The following LOC102723971 variants were observed in gnomAD, a reference collection of about 807,000 sequenced individuals.
chr9:135,619,054 C>A, the LOC102723971 span: 2 of 400,610 alleles, frequency 5.0e-6, no homozygotes, highest in Admixed American at 8.8e-5. Flanking sequence ...GTGGCCTGGA[C>A]TGTCCCCAGG....
chr9:135,617,950 G>A, the LOC102723971 span: 3 of 398,598 alleles, frequency 7.5e-6, no homozygotes, highest in African/African-American at 4.1e-5. Context: ...TGATTCCAGC[G>A]AGAAGAATGC....
At chr9:135,617,070 C>T in the LOC102723971 span, 6 of 398,442 alleles carry the variant, frequency 1.5e-5, no homozygotes, top group Non-Finnish European at 2.2e-5. Flanking sequence ...AGACCCCAGA[C>T]ATGAGGGCGG....
chr9:135,618,879 A>G, the LOC102723971 span: 2 of 398,622 alleles, frequency 5.0e-6, no homozygotes, highest in Non-Finnish European at 4.4e-6. Context: ...ATTGATTTCA[A>G]AATGAATGAG....
the LOC102723971 span, chr9:135,614,343 C>A: frequency 7.5e-6 from 3 of 398,546 alleles, no homozygotes; most frequent in South Asian, 1.3e-4. Context: ...GGCTTCAATG[C>A]GCAGAAGGTA....
At chr9:135,619,139 G>C in the LOC102723971 span, among the ~76,000 whole-genome samples, 1 of 152,048 alleles carries the variant, frequency 6.6e-6, no homozygotes, top group East Asian at 1.9e-4. Flanking sequence ...CCTCTCTCCT[G>C]GTCCCCTCCC....
At chr9:135,614,671 A>C in the LOC102723971 span, among the ~76,000 whole-genome samples, 1 of 152,134 alleles carries the variant, frequency 6.6e-6, no homozygotes, top group Non-Finnish European at 1.5e-5. Context: ...GCGCCCAGAC[A>C]CTGGGCCCAG....
the LOC102723971 span, among the ~76,000 whole-genome samples, chr9:135,617,426 G>A: frequency 6.6e-6 from 1 of 152,212 alleles, no homozygotes; most frequent in Admixed American, 6.5e-5. Flanking sequence ...GGGCACAGGG[G>A]ACTGAGTGGG....
the LOC102723971 span, among the ~76,000 whole-genome samples, chr9:135,619,832 A>G: frequency 1.1e-4 from 16 of 149,024 alleles, no homozygotes; most frequent in South Asian, 6.5e-4. Flanking sequence ...TGCCCCGAAA[A>G]CGCCTCCAGT....
At chr9:135,615,424 C>T in the LOC102723971 span, 11 of 398,740 alleles carry the variant, frequency 2.8e-5, no homozygotes, top group African/African-American at 6.2e-5. Flanking sequence ...TCTCCCCGGC[C>T]GACCCCCTGA....
the LOC102723971 span, among the ~76,000 whole-genome samples, chr9:135,615,955 C>T: frequency 4.6e-5 from 7 of 152,216 alleles, no homozygotes; most frequent in Admixed American, 1.3e-4. Context: ...GCAGTGACAC[C>T]GACAACAAGC....
chr9:135,614,657 C>G, the LOC102723971 span, among the ~76,000 whole-genome samples: 2 of 152,176 alleles, frequency 1.3e-5, no homozygotes, highest in Non-Finnish European at 2.9e-5. Context: ...GCCGGAGAAA[C>G]AGAGCGCCCA....
the LOC102723971 span, among the ~76,000 whole-genome samples, chr9:135,617,237 A>T: frequency 6.6e-6 from 1 of 152,192 alleles, no homozygotes; most frequent in Non-Finnish European, 1.5e-5. Context: ...GTCCCCATGC[A>T]GGACGTGCAC....
At chr9:135,616,214 C>T in the LOC102723971 span, among the ~76,000 whole-genome samples, 1 of 152,152 alleles carries the variant, frequency 6.6e-6, no homozygotes. Context: ...CAAGTGGGGA[C>T]AGGCAGGACA....
chr9:135,614,256 GC>G, the LOC102723971 span: 1 of 398,572 alleles, frequency 2.5e-6, no homozygotes, highest in South Asian at 1.3e-4. Flanking sequence ...CTGGAGAAAG[GC>G]CCGCTCCTGC....
the LOC102723971 span, among the ~76,000 whole-genome samples, chr9:135,619,251 C>T: frequency 1.3e-5 from 2 of 152,316 alleles, no homozygotes; most frequent in East Asian, 3.9e-4. Flanking sequence ...GGCCTGTGGG[C>T]CTGGAGCACA....
At chr9:135,615,327 G>C in the LOC102723971 span, 2 of 398,288 alleles carry the variant, frequency 5.0e-6, no homozygotes, top group Non-Finnish European at 8.9e-6. Context: ...CCGGGCGCTA[G>C]CTGGCCTCCT....
At chr9:135,619,787 C>T in the LOC102723971 span, among the ~76,000 whole-genome samples, 4 of 152,056 alleles carry the variant, frequency 2.6e-5, no homozygotes, top group East Asian at 3.9e-4. Context: ...CAATACTTGT[C>T]GTCTGGAACT....
the LOC102723971 span, chr9:135,618,938 T>C: frequency 3.8e-5 from 15 of 399,392 alleles, no homozygotes; most frequent in Middle Eastern, 6.2e-4. Flanking sequence ...CACAGGCCCA[T>C]GTCCCCCACC....
chr9:135,615,773 A>C, the LOC102723971 span, among the ~76,000 whole-genome samples: 1 of 152,048 alleles, frequency 6.6e-6, no homozygotes, highest in Non-Finnish European at 1.5e-5. Flanking sequence ...TGGAGTTTTA[A>C]ATGTGCGATC....
Sources: gnomAD v4.1 joint callset for allele counts (sites outside exome capture counted in the v4.1 genomes callset) on GRCh38, gnomAD v4.1.1 for gene constraint, MANE v1.5 for transcripts.